The following AP3B1 variants were observed in gnomAD, a reference collection of about 807,000 sequenced individuals.
AP3B1 encodes the protein adaptor related protein complex 3 subunit beta 1, also known as AP-3 complex subunit beta-1.
AP3B1 carries 61 observed loss-of-function variants against 132.5 expected under a neutral mutation model. That is an observed-to-expected ratio of 0.46 (90% CI 0.37 to 0.57). The LOEUF is 0.57. Ranked by LOEUF, AP3B1 falls within the 20% of genes least tolerant of loss-of-function variation. AP3B1 has a pLI of 0.00. For missense variants in AP3B1, 1,120 were observed against 1,289.4 expected, an observed-to-expected ratio of 0.87 and a Z score of 2.01; for synonymous variants, 388 against 438.3, an observed-to-expected ratio of 0.89 and a Z score of 1.43.
At chr5:78,051,914 G>A (rs370631779) in intron 22 of AP3B1, among the ~76,000 whole-genome samples, 2 of 152,076 alleles carry the variant, frequency 1.3e-5, no homozygotes, top group Non-Finnish European at 1.5e-5. Context: ...GAAAGTCACA[G>A]TATTGTCTCA....
intron 14 of AP3B1, among the ~76,000 whole-genome samples, chr5:78,143,489 T>C (rs889112363): frequency 6.6e-6 from 1 of 152,128 alleles, no homozygotes. Flanking sequence ...AATATAAATA[T>C]ACCAAACTTT....
chr5:78,101,101 A>G, intron 20 of AP3B1, 76 bp from the exon 21 acceptor site: 1 of 898,726 alleles, frequency 1.1e-6, no homozygotes, highest in African/African-American at 1.7e-5. Flanking sequence ...ATATTCCAAA[A>G]CAAACTTTTT....
At chr5:78,176,368 G>A (rs557448280) in intron 9 of AP3B1, among the ~76,000 whole-genome samples, 20 of 151,486 alleles carry the variant, frequency 1.3e-4, no homozygotes, top group African/African-American at 4.8e-4. Context: ...TATTGAACTA[G>A]CAAAAGAGAA....
intron 3 of AP3B1, among the ~76,000 whole-genome samples, chr5:78,232,989 G>A (rs1380273860): frequency 6.6e-6 from 1 of 152,106 alleles, no homozygotes; most frequent in African/African-American, 2.4e-5. Flanking sequence ...TTACTGGCGT[G>A]AGCCACCACA....
At chr5:78,175,410 T>C (rs971813896) in intron 11 of AP3B1, among the ~76,000 whole-genome samples, 1 of 152,230 alleles carries the variant, frequency 6.6e-6, no homozygotes, top group Non-Finnish European at 1.5e-5. Context: ...CTGTGAGTTA[T>C]TCAAGTTGTA....
At chr5:78,103,871 T>G (rs1419653913) in intron 20 of AP3B1, among the ~76,000 whole-genome samples, 1 of 152,178 alleles carries the variant, frequency 6.6e-6, no homozygotes, top group Admixed American at 6.5e-5. Flanking sequence ...AAATACTTAT[T>G]AACCTCCAAA....
At chr5:78,090,001 A>G (rs1750441182) in intron 21 of AP3B1, among the ~76,000 whole-genome samples, 1 of 152,198 alleles carries the variant, frequency 6.6e-6, no homozygotes, top group African/African-American at 2.4e-5. Flanking sequence ...GAAATGTTTG[A>G]CTGATTCTAA....
At chr5:78,043,786 T>C in intron 22 of AP3B1, 6 of 392,224 alleles carry the variant, frequency 1.5e-5, no homozygotes, top group Non-Finnish European at 2.5e-5. Flanking sequence ...CATGGAGATA[T>C]CTACACTAGC....
chr5:78,119,790 C>T (rs1470570068), intron 17 of AP3B1, among the ~76,000 whole-genome samples: 1 of 152,172 alleles, frequency 6.6e-6, no homozygotes, highest in Non-Finnish European at 1.5e-5. Context: ...AGGAGAACTT[C>T]CCCAATCTAG....
intron 7 of AP3B1, among the ~76,000 whole-genome samples, 155 bp from the exon 8 acceptor site, chr5:78,181,817 C>T (rs1744384961): frequency 1.3e-5 from 2 of 152,058 alleles, no homozygotes; most frequent in African/African-American, 4.8e-5. Context: ...CAACCTATAT[C>T]GAATAAAGGT....
chr5:78,254,361 G>T (rs1747768895), intron 2 of AP3B1, among the ~76,000 whole-genome samples: 1 of 152,040 alleles, frequency 6.6e-6, no homozygotes, highest in South Asian at 2.1e-4. Context: ...GTACAAGAAG[G>T]TTATAGAACA....
intron 21 of AP3B1, among the ~76,000 whole-genome samples, chr5:78,095,175 T>C (rs1750720164): frequency 6.6e-6 from 1 of 152,218 alleles, no homozygotes; most frequent in Non-Finnish European, 1.5e-5. Flanking sequence ...TTTATTCATT[T>C]AGAATCTCCA....
At chr5:78,231,776 T>C (rs1746661617) in intron 3 of AP3B1, among the ~76,000 whole-genome samples, 1 of 152,214 alleles carries the variant, frequency 6.6e-6, no homozygotes, top group Admixed American at 6.5e-5. Context: ...TAGCATTAAC[T>C]ACATGTCAGA....
chr5:78,051,306 T>A (rs1748573549), intron 22 of AP3B1, among the ~76,000 whole-genome samples: 1 of 152,116 alleles, frequency 6.6e-6, no homozygotes, highest in Non-Finnish European at 1.5e-5. Flanking sequence ...CTGAAGAGTG[T>A]AAAATGAAAA....
intron 22 of AP3B1, among the ~76,000 whole-genome samples, chr5:78,040,176 T>C (rs1435310942): frequency 6.6e-6 from 1 of 152,030 alleles, no homozygotes; most frequent in Non-Finnish European, 1.5e-5. Context: ...TATTCACTTA[T>C]ATTTTCTTCC....
Position 78,195,283 on chromosome 5 carries a change from G to C in AP3B1, c.787-13621C>G, listed in dbSNP as rs1363944149. On this transcript the variant is annotated intron_variant, in intron 7 of 26. Coordinates refer to ENST00000255194, the MANE Select transcript of AP3B1 (RefSeq NM_003664.5). ...TGCAGCTACGTGATGTATACATAGG[G>C]ATTCGTTGAACTGTCAGCCATACTT... 3.3e-5 allele frequency among the ~76,000 whole-genome samples: 5 copies of C among 152,152 alleles called. 1 individual carries two copies. The highest frequency in any genetic ancestry group is 7.4e-5 in the Non-Finnish European group (5 of 68,026).
chr5:78,054,704 G>A (rs1474573940), intron 22 of AP3B1, among the ~76,000 whole-genome samples: 1 of 152,156 alleles, frequency 6.6e-6, no homozygotes, highest in African/African-American at 2.4e-5. Flanking sequence ...GTGTTGCCTT[G>A]CATTTAAGTG....
chr5:78,291,196 C>G (rs1184440805), intron 1 of AP3B1, among the ~76,000 whole-genome samples: 1 of 151,886 alleles, frequency 6.6e-6, no homozygotes, highest in African/African-American at 2.4e-5. Flanking sequence ...AGTACCTAGG[C>G]ATCATTGAGA....
chr5:78,267,614 A>G lies in AP3B1; in HGVS notation c.129-19T>C, dbSNP rs772695563. 15 of 1,464,368 alleles carry G rather than the reference A, an allele frequency of 1.0e-5. No individual in the cohort carries two copies. In the Admixed American group the frequency reaches 2.5e-4, roughly 25 times the overall value. 90.7% of individuals were successfully genotyped at this position (1,464,368 alleles called of 1,614,324 possible). On this transcript the variant is annotated intron_variant, in intron 1 of 26. Transcript: ENST00000255194. ...TTCATTCCTATTACAAAAGAGAAGA[A>G]AAAAAATCCATACTTTGATTTTTAT...
Sources: allele counts gnomAD v4.1 joint callset (sites outside exome capture counted in the v4.1 genomes callset), GRCh38; gene constraint gnomAD v4.1.1; transcripts MANE v1.5; gene names NCBI Gene and HGNC (gene_info 2026-07-23, HGNC 2026-07-21).